FBXL13: variants seen among roughly 807,000 people sequenced by gnomAD.
The protein encoded by FBXL13 is F-box and leucine rich repeat protein 13, also known as F-box and leucine-rich repeat protein 13.
FBXL13 carries 67 observed loss-of-function variants against 83.6 expected under a neutral mutation model. The ratio of observed to expected loss-of-function variants is 0.80; its 90% CI spans 0.66 to 0.98. The LOEUF (loss-of-function observed/expected upper bound fraction) is 0.98. Among genes scored for constraint, FBXL13 ranks in the 50% least tolerant of loss-of-function variants. FBXL13 has a pLI of 0.00. For missense variants in FBXL13, 822 were observed against 866.5 expected (o/e 0.95, Z 0.64); for synonymous variants, 272 against 299.5 (o/e 0.91, Z 0.95).
intron 16 of FBXL13, among the ~76,000 whole-genome samples, chr7:102,874,870 A>G (rs1809009192): frequency 6.6e-6 from 1 of 152,180 alleles, no homozygotes; most frequent in Admixed American, 6.5e-5. Flanking sequence ...CCTGGCCTAT[A>G]TTCCTAAGTT....
intron 7 of FBXL13, among the ~76,000 whole-genome samples, chr7:102,963,920 G>A (rs1308375528): frequency 6.6e-6 from 1 of 152,106 alleles, no homozygotes; most frequent in African/African-American, 2.4e-5. Flanking sequence ...AAAAATAGGC[G>A]AAGAACATGA....
intron 6 of FBXL13, among the ~76,000 whole-genome samples, chr7:103,020,428 C>G (rs2129487584): frequency 6.6e-6 from 1 of 152,298 alleles, no homozygotes; most frequent in South Asian, 2.1e-4. Flanking sequence ...ACAAGGATGT[C>G]CTCTCTCACC....
intron 1 of FBXL13, among the ~76,000 whole-genome samples, chr7:103,057,485 A>T (rs1013712822): frequency 1.3e-5 from 2 of 152,174 alleles, no homozygotes; most frequent in Non-Finnish European, 2.9e-5. Flanking sequence ...CCTTAGACCC[A>T]ACCATAAAAG....
intron 6 of FBXL13, chr7:102,973,854 TC>T (rs1827088756): frequency 4.3e-6 from 3 of 699,936 alleles, no homozygotes; most frequent in African/African-American, 1.8e-5. Context: ...CCAACATTGG[TC>T]CAAGAAGGCT....
At chr7:102,898,773 C>T (rs1228478066) in intron 11 of FBXL13, among the ~76,000 whole-genome samples, 2 of 152,204 alleles carry the variant, frequency 1.3e-5, no homozygotes, top group East Asian at 1.9e-4. Flanking sequence ...AATTCAGATA[C>T]ATCGTCAAAC....
intron 9 of FBXL13, among the ~76,000 whole-genome samples, chr7:102,928,237 A>G (rs555350360): frequency 7.2e-5 from 11 of 152,298 alleles, no homozygotes; most frequent in Admixed American, 1.3e-4. Flanking sequence ...TGAACATCCA[A>G]ACAAATTTAG....
chr7:103,064,635 A>T (rs1376992903), intron 1 of FBXL13, among the ~76,000 whole-genome samples: 2 of 152,224 alleles, frequency 1.3e-5, no homozygotes, highest in Admixed American at 1.3e-4. Flanking sequence ...TGGCCATAAC[A>T]GTATCTCCCA....
exon 20 of FBXL13, chr7:102,813,430 G>T: frequency 6.2e-7 from 1 of 1,614,166 alleles, no homozygotes; most frequent in Non-Finnish European, 8.5e-7. Flanking sequence ...GTCAAGCTCT[G>T]TAACAGGGTT....
intron 18 of FBXL13, among the ~76,000 whole-genome samples, chr7:102,829,605 G>T (rs1009071705): frequency 3.9e-5 from 6 of 152,154 alleles, no homozygotes; most frequent in Non-Finnish European, 7.4e-5. Flanking sequence ...GCTTTGAACT[G>T]GCCCCAGAGC....
chr7:103,015,797 CA>C (rs56376102), intron 6 of FBXL13, among the ~76,000 whole-genome samples: 2 of 115,492 alleles, frequency 1.7e-5, no homozygotes, highest in African/African-American at 3.4e-5. Context: ...ACTCTCATCT[CA>C]AAAAAAAAAA....
chr7:102,929,263 T>G (rs1283137621), intron 9 of FBXL13, among the ~76,000 whole-genome samples: 2 of 152,188 alleles, frequency 1.3e-5, no homozygotes, highest in African/African-American at 4.8e-5. Flanking sequence ...ATTTTCAAAG[T>G]GCTCAGTTCT....
At chr7:103,069,537 A>C (rs1413750808) in intron 1 of FBXL13, among the ~76,000 whole-genome samples, 1 of 152,250 alleles carries the variant, frequency 6.6e-6, no homozygotes, top group Non-Finnish European at 1.5e-5. Flanking sequence ...CTGAGGAGAC[A>C]GAGACTGGCT....
chr7:102,858,845 C>A (rs1806401068), intron 16 of FBXL13, among the ~76,000 whole-genome samples: 1 of 152,118 alleles, frequency 6.6e-6, no homozygotes, highest in South Asian at 2.1e-4. Context: ...CAGGGTGGGA[C>A]AGGCATAAGG....
rs546003532 is a variant in FBXL13, at chr7:103,072,786, T to C, written c.-105+1460A>G. Among the ~76,000 whole-genome samples the C allele has an allele frequency of 3.3e-5, 5 of 152,382 alleles. No homozygotes were observed. In the South Asian group the frequency reaches 8.3e-4, roughly 25 times the overall value. ...TAGAGGAGTCTTCACTTTCTGTCCA[T>C]GTATCAGTATGATATCCTTTTCTCA... On this transcript the variant is annotated intron_variant, in intron 1 of 19. Coordinates refer to ENST00000313221, the Ensembl canonical transcript of FBXL13.
At chr7:103,060,266 T>G (rs142077968) in intron 1 of FBXL13, among the ~76,000 whole-genome samples, 1 of 151,718 alleles carries the variant, frequency 6.6e-6, no homozygotes, top group African/African-American at 2.4e-5. Flanking sequence ...TTGCCCAGGC[T>G]AGTCCTGAAC....
At chr7:103,006,156 G>A (rs991677857) in intron 6 of FBXL13, among the ~76,000 whole-genome samples, 2 of 152,180 alleles carry the variant, frequency 1.3e-5, no homozygotes, top group Non-Finnish European at 2.9e-5. Context: ...TAGAAGCGGT[G>A]CCAGATAGTC....
intron 18 of FBXL13, among the ~76,000 whole-genome samples, chr7:102,829,414 G>A (rs527241632): frequency 3.2e-4 from 48 of 152,262 alleles, no homozygotes; most frequent in African/African-American, 1.1e-3. Flanking sequence ...GCCTGCTTTC[G>A]CTTACCTTAT....
intron 6 of FBXL13, among the ~76,000 whole-genome samples, chr7:102,998,830 T>C (rs1790092928): frequency 6.6e-6 from 1 of 151,634 alleles, no homozygotes. Context: ...ATAATAATAA[T>C]AATTAAAATT....
intron 19 of FBXL13, among the ~76,000 whole-genome samples, chr7:102,820,539 A>C (rs1798657940): frequency 6.6e-6 from 1 of 152,180 alleles, no homozygotes; most frequent in South Asian, 2.1e-4. Context: ...TTCGGATGTT[A>C]CTGGATATCC....
Sources: gnomAD v4.1 joint callset for allele counts (sites outside exome capture counted in the v4.1 genomes callset) on GRCh38, gnomAD v4.1.1 for gene constraint, MANE v1.5 for transcripts, NCBI Gene and HGNC (gene_info 2026-07-23, HGNC 2026-07-21) for gene names.